Variants in AIG1 observed in about 807,000 individuals in gnomAD.
AIG1 encodes androgen induced 1.
A neutral mutation model predicts 31.4 loss-of-function variants in AIG1; 23 were observed. That is an observed-to-expected ratio of 0.73 (90% CI 0.53 to 1.04). AIG1 has a LOEUF of 1.04. Ranked by LOEUF, AIG1 falls within the 50% of genes least tolerant of loss-of-function variation. The pLI is 0.00. For synonymous variants in AIG1, 100 were observed against 110.5 expected (o/e 0.90, Z 0.60); for missense variants, 274 against 295.0 (o/e 0.93, Z 0.52).
chr6:143,306,632 C>T (rs1799334036), intron 4 of AIG1, among the ~76,000 whole-genome samples: 1 of 152,098 alleles, frequency 6.6e-6, no homozygotes. Flanking sequence ...CTTCCCTTAA[C>T]ATTTTTTCCT....
chr6:143,241,286 C>T (rs992743094), intron 3 of AIG1, among the ~76,000 whole-genome samples: 1 of 152,188 alleles, frequency 6.6e-6, no homozygotes, highest in African/African-American at 2.4e-5. Flanking sequence ...TTCCAAACCC[C>T]TATGTGAAAA....
chr6:143,263,910 G>A (rs2128660764), intron 3 of AIG1, among the ~76,000 whole-genome samples: 1 of 152,252 alleles, frequency 6.6e-6, no homozygotes, highest in East Asian at 1.9e-4. Context: ...TTTATCTTGT[G>A]TTTATTTCTT....
intron 1 of AIG1, among the ~76,000 whole-genome samples, chr6:143,077,968 T>G (rs1015058173): frequency 6.6e-6 from 1 of 152,248 alleles, no homozygotes; most frequent in East Asian, 1.9e-4. Context: ...TCTTTTTAGA[T>G]CCTGCTCTTC....
intron 2 of AIG1, among the ~76,000 whole-genome samples, chr6:143,144,720 A>AT (rs1287765064): frequency 6.6e-6 from 1 of 152,230 alleles, no homozygotes; most frequent in African/African-American, 2.4e-5. Flanking sequence ...GCCTCTCATT[A>AT]TTCTCTGTTC....
chr6:143,196,733 A>T (rs1480785000), intron 3 of AIG1, among the ~76,000 whole-genome samples: 1 of 152,074 alleles, frequency 6.6e-6, no homozygotes, highest in African/African-American at 2.4e-5. Flanking sequence ...TGGTATTATA[A>T]TGTGCTAAGC....
Position 143,165,073 on chromosome 6 carries a change from TCC to T in AIG1, c.298-8_298-7del. ...GAACTTGAAATAAAAGATTTCTTTT[TCC>T]TTCCAGTTTGTTGTAGCAGTGTTCT... On this transcript the variant is annotated splice_polypyrimidine_tract_variant and splice_region_variant and intron_variant, in intron 2 of 5. Transcript: ENST00000357847. 6.3e-7 allele frequency: 1 copy of T among 1,591,724 alleles called. No homozygotes were observed. The highest frequency in any genetic ancestry group is 1.7e-5 in the Admixed American group (1 of 59,586).
chr6:143,245,953 A>T lies in AIG1; in HGVS notation c.400-38157A>T, dbSNP rs142766917. On this transcript the variant is annotated intron_variant, in intron 3 of 5. Coordinates refer to ENST00000357847, the MANE Select transcript of AIG1 (RefSeq NM_016108.4). ...TTTTGGCTTCCCTGGGCCACATTGG[A>T]AGAAGAATTGTCTTGGGCCGCACAT... Among the ~76,000 whole-genome samples, 4 of 152,220 alleles carry T rather than the reference A, an allele frequency of 2.6e-5. No homozygotes were observed. The East Asian group carries it at 7.7e-4, about 29-fold the overall frequency.
chr6:143,245,196 C>A (rs1382183561), intron 3 of AIG1, among the ~76,000 whole-genome samples: 1 of 152,024 alleles, frequency 6.6e-6, no homozygotes, highest in African/African-American at 2.4e-5. Flanking sequence ...GTTGGCAAAA[C>A]ACTTTCTCTC....
At chr6:143,276,524 A>T (rs1796922924) in intron 3 of AIG1, among the ~76,000 whole-genome samples, 2 of 152,186 alleles carry the variant, frequency 1.3e-5, no homozygotes, top group East Asian at 1.9e-4. Context: ...AGGCACAGTT[A>T]AAAAATGCCC....
intron 4 of AIG1, among the ~76,000 whole-genome samples, chr6:143,317,448 T>C (rs1319323601): frequency 6.6e-6 from 1 of 152,032 alleles, no homozygotes; most frequent in Non-Finnish European, 1.5e-5. Context: ...GTTGACAAAA[T>C]CCAGCATCCC....
chr6:143,220,575 C>G (rs1273647696), intron 3 of AIG1, among the ~76,000 whole-genome samples: 1 of 152,158 alleles, frequency 6.6e-6, no homozygotes, highest in Non-Finnish European at 1.5e-5. Context: ...TAGATTCAAA[C>G]TCAAGTTTGA....
intron 3 of AIG1, among the ~76,000 whole-genome samples, chr6:143,225,556 A>C (rs1249113758): frequency 1.3e-5 from 2 of 152,242 alleles, no homozygotes; most frequent in Non-Finnish European, 2.9e-5. Flanking sequence ...TGAAGTCTTT[A>C]CTATTATTGA....
intron 3 of AIG1, among the ~76,000 whole-genome samples, chr6:143,198,146 TA>T (rs1344893226): frequency 2.0e-5 from 3 of 152,234 alleles, no homozygotes; most frequent in Non-Finnish European, 4.4e-5. Flanking sequence ...GTGTACCAAG[TA>T]CTATGTTCAG....
rs199726506 is a variant in AIG1 at position 143,297,457 on chromosome 6, A to ATTGG, written c.515+13253_515+13256dup. On this transcript the variant is annotated intron_variant, in intron 4 of 5. Transcript: ENST00000357847. This position sits in a 1 kb window ranked among gnomAD's most constrained non-coding sequence, Gnocchi z 5.1. Reference sequence around the variant, plus strand: ...GATTGGGTGGGTGGTTATTTAGATGATTGGTTGGTTGGTTGGTTGGTTGGA... The same window carrying ATTGG: ...GATTGGGTGGGTGGTTATTTAGATGATTGGTTGGTTGGTTGGTTGGTTGGTTGGA... Among the ~76,000 whole-genome samples the ATTGG allele has an allele frequency of 3.5e-4, 53 of 151,214 alleles. No homozygotes were observed. Among genetic ancestry groups the ATTGG allele is most frequent in the African/African-American group, 1.1e-3 (45 of 41,174 alleles).
intron 2 of AIG1, among the ~76,000 whole-genome samples, chr6:143,141,326 T>A (rs1784229034): frequency 6.6e-6 from 1 of 152,194 alleles, no homozygotes; most frequent in Non-Finnish European, 1.5e-5. Context: ...CTTCCTCCAG[T>A]AACGAGGTTA....
intron 1 of AIG1, among the ~76,000 whole-genome samples, chr6:143,094,577 A>G (rs1004601287): frequency 3.9e-5 from 6 of 152,176 alleles, no homozygotes; most frequent in Admixed American, 2.6e-4. Flanking sequence ...ACAAAGCACT[A>G]TTTTACTAAA....
chr6:143,162,305 A>T (rs549540864), intron 2 of AIG1, among the ~76,000 whole-genome samples: 108 of 152,356 alleles, frequency 7.1e-4, no homozygotes, highest in Non-Finnish European at 1.4e-3. Flanking sequence ...ATCTTCATGG[A>T]TTGGAAAATT....
intron 3 of AIG1, among the ~76,000 whole-genome samples, chr6:143,197,199 A>G (rs79484126): frequency 0.12 from 18,851 of 151,714 alleles, 1,570 homozygotes; most frequent in Non-Finnish European, 0.19. Flanking sequence ...TTCCTGTAGG[A>G]CAGTAATCCA....
intron 4 of AIG1, among the ~76,000 whole-genome samples, chr6:143,308,202 C>T (rs527789237): frequency 1.3e-5 from 2 of 152,330 alleles, no homozygotes; most frequent in Admixed American, 1.3e-4. Context: ...GCGCACGGTG[C>T]GCTGCACCCA....
Sources: allele counts gnomAD v4.1 joint callset (sites outside exome capture counted in the v4.1 genomes callset), GRCh38; gene constraint gnomAD v4.1.1; non-coding constraint Gnocchi (gnomAD v3.1); transcripts MANE v1.5; gene names NCBI Gene and HGNC (gene_info 2026-07-23, HGNC 2026-07-21).